MARCHF8: variants seen among roughly 807,000 people sequenced by gnomAD.
MARCHF8 encodes membrane associated ring-CH-type finger 8.
A neutral mutation model predicts 51.6 loss-of-function variants in MARCHF8; 40 were observed. The ratio of observed to expected loss-of-function variants is 0.77; its 90% CI spans 0.60 to 1.01. The LOEUF (loss-of-function observed/expected upper bound fraction) is 1.01, where lower values mean the gene tolerates loss of function less well. MARCHF8 is among the 50% of genes least tolerant of loss of function. MARCHF8 has a pLI of 0.00. For synonymous variants in MARCHF8, 263 were observed against 280.3 expected, an observed-to-expected ratio of 0.94 and a Z score of 0.62; for missense variants, 685 against 708.6, an observed-to-expected ratio of 0.97 and a Z score of 0.38.
At chr10:45,581,145 G>T (rs2044551446) in intron 1 of MARCHF8, among the ~76,000 whole-genome samples, 1 of 152,038 alleles carries the variant, frequency 6.6e-6, no homozygotes, top group Non-Finnish European at 1.5e-5. Context: ...TCACCCCAGG[G>T]GATTTTGCCA....
intron 2 of MARCHF8, among the ~76,000 whole-genome samples, chr10:45,497,380 T>C (rs1326199992): frequency 6.6e-6 from 1 of 152,168 alleles, no homozygotes; most frequent in African/African-American, 2.4e-5. Flanking sequence ...CTTTCAACAA[T>C]GAACAGCCGA....
chr10:45,546,053 A>C (rs765973763), intron 1 of MARCHF8, among the ~76,000 whole-genome samples: 1 of 152,218 alleles, frequency 6.6e-6, no homozygotes, highest in African/African-American at 2.4e-5. Context: ...AGTCTGATGC[A>C]AATTTTGTTA....
intron 2 of MARCHF8, among the ~76,000 whole-genome samples, chr10:45,491,866 T>A (rs1391063207): frequency 6.6e-6 from 1 of 152,206 alleles, no homozygotes; most frequent in Non-Finnish European, 1.5e-5. Context: ...AATGGCTGGT[T>A]TGACACCATC....
chr10:45,574,968 C>CA (rs34058982), intron 1 of MARCHF8, among the ~76,000 whole-genome samples: 7,391 of 136,364 alleles, frequency 0.054, 388 homozygotes, highest in African/African-American at 0.14. Context: ...GTTATATAGG[C>CA]AAAAAAAAAA....
At chr10:45,551,840 TACAC>T (rs139172803) in intron 1 of MARCHF8, among the ~76,000 whole-genome samples, 137 of 148,536 alleles carry the variant, frequency 9.2e-4, no homozygotes, top group Middle Eastern at 3.5e-3. Flanking sequence ...GGTATATCTG[TACAC>T]ACACACACAC....
At chr10:45,582,386 T>C (rs1198799616) in intron 1 of MARCHF8, among the ~76,000 whole-genome samples, 1 of 152,232 alleles carries the variant, frequency 6.6e-6, no homozygotes, top group Non-Finnish European at 1.5e-5. Flanking sequence ...GTTTCCATAT[T>C]ATCTTGTCTT....
intron 1 of MARCHF8, among the ~76,000 whole-genome samples, chr10:45,587,154 A>G (rs1380887530): frequency 2.0e-5 from 3 of 152,118 alleles, no homozygotes; most frequent in South Asian, 2.1e-4. Context: ...GTGGAAAGGA[A>G]GACGTAAAAC....
chr10:45,517,756 G>T (rs1329640614), intron 2 of MARCHF8, among the ~76,000 whole-genome samples: 2 of 152,134 alleles, frequency 1.3e-5, no homozygotes, highest in Non-Finnish European at 2.9e-5. Flanking sequence ...CACACAAAAA[G>T]ACTCTGGAAT....
chr10:45,487,125 T>C (rs924278876), intron 3 of MARCHF8, among the ~76,000 whole-genome samples: 7 of 152,280 alleles, frequency 4.6e-5, no homozygotes, highest in Non-Finnish European at 1.0e-4. Flanking sequence ...CTACTTTTAC[T>C]GATAACTAAA....
At chr10:45,480,445 G>C (rs189201031) in intron 3 of MARCHF8, among the ~76,000 whole-genome samples, 1 of 152,214 alleles carries the variant, frequency 6.6e-6, no homozygotes, top group African/African-American at 2.4e-5. Flanking sequence ...TTTGCTGGCA[G>C]CCCCTCCCAT....
intron 1 of MARCHF8, among the ~76,000 whole-genome samples, chr10:45,548,855 A>G (rs1304719609): frequency 1.3e-5 from 2 of 151,926 alleles, no homozygotes; most frequent in African/African-American, 4.8e-5. Context: ...ATTAGCCGAG[A>G]GTAGTGGCAG....
At chr10:45,487,806 T>C (rs1292393935) in intron 3 of MARCHF8, among the ~76,000 whole-genome samples, 6 of 151,910 alleles carry the variant, frequency 3.9e-5, no homozygotes, top group African/African-American at 1.5e-4. Flanking sequence ...AAAACATATA[T>C]GTAGTCAGCA....
chr10:45,560,645 T>C (rs1207771663), intron 1 of MARCHF8, among the ~76,000 whole-genome samples: 1 of 149,584 alleles, frequency 6.7e-6, no homozygotes, highest in Non-Finnish European at 1.5e-5. Context: ...GCTCACTGTT[T>C]CATTGGATAC....
At chr10:45,510,289 T>C (rs181911516) in intron 2 of MARCHF8, among the ~76,000 whole-genome samples, 3 of 152,296 alleles carry the variant, frequency 2.0e-5, no homozygotes, top group East Asian at 3.9e-4. Context: ...ATTTAAGCCA[T>C]GCAGTCTATG....
At chr10:45,522,147 C>A (rs1277215964) in intron 2 of MARCHF8, among the ~76,000 whole-genome samples, 4 of 152,044 alleles carry the variant, frequency 2.6e-5, no homozygotes, top group Non-Finnish European at 4.4e-5. Flanking sequence ...AAATTTCCCC[C>A]AAAAAACTCT....
chr10:45,457,337 A>G lies in MARCHF8; in HGVS notation c.*902T>C, dbSNP rs3802546. The G allele has an allele frequency of 6.6e-6, 1 of 152,228 alleles. No homozygotes were observed. The highest frequency in any genetic ancestry group is 1.5e-5 in the Non-Finnish European group (1 of 68,040). 9.4% of individuals were successfully genotyped at this position (152,228 alleles called of 1,614,324 possible). ...AAGAAATGTATGGGCCAGGTCTACA[A>G]AGTAACACCTTGTCATAAAACAGGC... On this transcript the variant is annotated 3_prime_UTR_variant, in exon 8 of 8. Transcript: ENST00000453424.
Position 45,568,049 on chromosome 10 carries a change from G to A in MARCHF8, c.-79+26186C>T, listed in dbSNP as rs562800339. Among the ~76,000 whole-genome samples, 54 of 152,178 alleles carry A rather than the reference G, an allele frequency of 3.5e-4. 1 individual carries two copies. In the South Asian group the frequency reaches 0.011, roughly 32 times the overall value. ...TATTTTATGTGTGGCTTCCAAATGG[G>A]ATACTTTTTTATTTCTTTTTCACAT... On this transcript the variant is annotated intron_variant, in intron 1 of 6. Transcript: ENST00000319836.
intron 1 of MARCHF8, among the ~76,000 whole-genome samples, chr10:45,555,088 G>A (rs2044236963): frequency 6.6e-6 from 1 of 151,782 alleles, no homozygotes; most frequent in African/African-American, 2.4e-5. Context: ...CATTAGCCGG[G>A]CGTAGTGGTG....
At position 45,472,053 on chromosome 10, in the gene MARCHF8, A is replaced by C. The variant is rs189381988; in HGVS notation, c.154-7726T>G. Reference sequence around the variant, plus strand: ...TCTAAGAGCGAACCCTGAGCCGCGGAGTATACTACTGACAGAAACATGGCA... The same window carrying C: ...TCTAAGAGCGAACCCTGAGCCGCGGCGTATACTACTGACAGAAACATGGCA... On this transcript the variant is annotated intron_variant, in intron 3 of 7. Coordinates refer to ENST00000453424, the MANE Select transcript of MARCHF8 (RefSeq NM_001282866.2). Among the ~76,000 whole-genome samples, 4 of 152,324 alleles carry C rather than the reference A, an allele frequency of 2.6e-5. No homozygotes were observed. In the East Asian group the frequency reaches 7.7e-4, roughly 29 times the overall value.
Sources: gnomAD v4.1 joint callset for allele counts (sites outside exome capture counted in the v4.1 genomes callset) on GRCh38, gnomAD v4.1.1 for gene constraint, MANE v1.5 for transcripts, NCBI Gene and HGNC (gene_info 2026-07-23, HGNC 2026-07-21) for gene names.